Variants in ABCG5 observed in about 807,000 individuals in gnomAD.
ABCG5 encodes the protein ATP binding cassette subfamily G member 5.
In ABCG5, 64 loss-of-function variants were observed where a neutral mutation model predicts 64.5. The ratio of observed to expected loss-of-function variants is 0.99; its 90% CI spans 0.81 to 1.22. The LOEUF (loss-of-function observed/expected upper bound fraction) is 1.22. Ranked by LOEUF, ABCG5 falls within the 50% of genes most tolerant of loss-of-function variation. ABCG5 has a pLI of 0.00. For missense variants in ABCG5, 908 were observed against 829.5 expected, an observed-to-expected ratio of 1.09 and a Z score of -1.16; for synonymous variants, 385 against 326.3, an observed-to-expected ratio of 1.18 and a Z score of -1.94.
intron 2 of ABCG5, 112 bp from the exon 3 acceptor site, chr2:43,832,195 C>T: frequency 1.4e-6 from 2 of 1,438,826 alleles, no homozygotes; most frequent in African/African-American, 1.4e-5. Context: ...TGCTACATGA[C>T]GGACCCTGTT....
intron 12 of ABCG5, among the ~76,000 whole-genome samples, chr2:43,813,844 T>C (rs532231334): frequency 1.3e-5 from 2 of 150,978 alleles, no homozygotes; most frequent in Non-Finnish European, 3.0e-5. Flanking sequence ...CAGCCTCCTG[T>C]GTAGCTGGGA....
At chr2:43,815,093 T>C (rs949523198) in intron 11 of ABCG5, among the ~76,000 whole-genome samples, 11 of 152,160 alleles carry the variant, frequency 7.2e-5, no homozygotes, top group Non-Finnish European at 1.6e-4. Context: ...AGGAGGAGAT[T>C]TGTGATTAAA....
downstream of ABCG5, among the ~76,000 whole-genome samples, chr2:43,808,833 A>C (rs1666370489): frequency 6.6e-6 from 1 of 152,114 alleles, no homozygotes; most frequent in South Asian, 2.1e-4. Context: ...ATCAGTCCTT[A>C]CTGGGGGACA....
intron 5 of ABCG5, among the ~76,000 whole-genome samples, chr2:43,827,678 C>G (rs1553371581): frequency 6.6e-6 from 1 of 152,130 alleles, no homozygotes; most frequent in Non-Finnish European, 1.5e-5. Context: ...GTGGTATTGC[C>G]CTGGTGAGAA....
At position 43,813,120 on chromosome 2, in the gene ABCG5, C is replaced by G. The variant is rs759846565; in HGVS notation, c.1952G>C (p.Arg651Thr). The change falls in exon 13 of 13, where the codon AGG becomes ACG. Residue 651 changes from arginine to threonine, a missense_variant. Coordinates refer to ENST00000405322, the MANE Select transcript of ABCG5 (RefSeq NM_022436.3). Reference protein sequence around the residue: ...VFKIRDHLISR With the variant: ...VFKIRDHLIST ...TTTTCCCAGCCATGGCTTTCACTAC[C>G]TGCTAATGAGATGATCCCTTATTTT... 1 of 1,192,578 alleles carries G rather than the reference C, an allele frequency of 8.4e-7. No homozygotes were observed. Among genetic ancestry groups the G allele is most frequent in the Non-Finnish European group, 1.3e-6 (1 of 795,492 alleles). The allele number at this position is 1,192,578 out of a possible 1,614,324, so 73.9% of individuals were successfully genotyped here. A position where few individuals can be genotyped will look rare whatever the true frequency, so the allele number is the denominator to read the frequency against.
chr2:43,832,275 C>G, intron 2 of ABCG5, 192 bp from the exon 3 acceptor site: 1 of 707,038 alleles, frequency 1.4e-6, no homozygotes, highest in Admixed American at 2.5e-5. Flanking sequence ...GCAGCAGTCT[C>G]ACGCGCAAGT....
intron 2 of ABCG5, among the ~76,000 whole-genome samples, chr2:43,836,923 C>A (rs34520479): frequency 6.6e-6 from 1 of 151,488 alleles, no homozygotes; most frequent in Non-Finnish European, 1.5e-5. Flanking sequence ...CACCTGTAGT[C>A]CCAGCTGAGG....
At chr2:43,832,972 G>A (rs1323605931) in intron 2 of ABCG5, among the ~76,000 whole-genome samples, 1 of 151,958 alleles carries the variant, frequency 6.6e-6, no homozygotes, top group African/African-American at 2.4e-5. Flanking sequence ...ACTACACCCG[G>A]CTAATTTTCG....
chr2:43,822,453 C>T (rs964217785), intron 10 of ABCG5: 3 of 917,846 alleles, frequency 3.3e-6, no homozygotes, highest in African/African-American at 1.9e-5. Context: ...GTTTTACATT[C>T]AGGCTGCTTT....
chr2:43,817,250 C>A (rs1431075476), intron 11 of ABCG5, among the ~76,000 whole-genome samples: 1 of 152,076 alleles, frequency 6.6e-6, no homozygotes, highest in Non-Finnish European at 1.5e-5. Flanking sequence ...CTTGGGAGGC[C>A]GAGGCAGGGA....
chr2:43,822,204 A>T (rs1198304367), intron 10 of ABCG5, among the ~76,000 whole-genome samples: 1 of 151,820 alleles, frequency 6.6e-6, no homozygotes, highest in Non-Finnish European at 1.5e-5. Flanking sequence ...CCTGACTTGC[A>T]CCCCCATGAC....
Position 43,831,858 on chromosome 2 carries a change from G to C in ABCG5, c.412C>G (p.Leu138Val). Residue 138 changes from leucine (L) to valine (V), a missense_variant, in exon 4 of 13, where the codon CTG becomes GTG. Transcript: ENST00000405322. ...TCGCGCACGGTGAGGCTGCTCAGCAGGGTGTCGCTCTGCAGGAGACTCGGG... is the reference window on the plus strand; with the variant it reads ...TCGCGCACGGTGAGGCTGCTCAGCACGGTGTCGCTCTGCAGGAGACTCGGG... The part of the protein sequence containing the change: ...CFSYVLQSDT[L>V]LSSLTVRETL... 6.3e-7 allele frequency: 1 copy of C among 1,578,576 alleles called. No individual in the cohort carries two copies.
downstream of ABCG5, among the ~76,000 whole-genome samples, chr2:43,808,235 C>T (rs1341831313): frequency 6.7e-6 from 1 of 149,404 alleles, no homozygotes; most frequent in African/African-American, 2.5e-5. Context: ...CATGAAAATT[C>T]TTCCTAGAAT....
At chr2:43,835,400 T>G (rs1668201620) in intron 2 of ABCG5, among the ~76,000 whole-genome samples, 3 of 152,188 alleles carry the variant, frequency 2.0e-5, no homozygotes, top group African/African-American at 7.2e-5. Context: ...GGTGAAAATT[T>G]GTTAAAGGAG....
At chr2:43,810,360 A>G (rs549825034), downstream of ABCG5, 492 of 985,314 alleles carry the variant, frequency 5.0e-4, no homozygotes, top group Non-Finnish European at 5.5e-4. Flanking sequence ...TTTATTTTAA[A>G]TACCACTTTT....
chr2:43,814,289 G>A, intron 12 of ABCG5, among the ~76,000 whole-genome samples, 188 bp downstream of exon 12: 1 of 152,164 alleles, frequency 6.6e-6, no homozygotes, highest in Admixed American at 6.5e-5. Context: ...TTTGACAGGA[G>A]ACTAACTTGA....
chr2:43,831,729 G>A (rs1435955832), intron 4 of ABCG5, 40 bp downstream of exon 4: 1 of 1,531,314 alleles, frequency 6.5e-7, no homozygotes, highest in African/African-American at 1.4e-5. Context: ...GGGTGCAAAG[G>A]TACTCAGTTT....
rs76519976 is a variant in ABCG5, at chr2:43,824,148, T to C, written c.1119-30A>G. 1.3e-3 allele frequency: 2,170 copies of C among 1,614,180 alleles called. 32 individuals are homozygous for C. The African/African-American group carries it at 0.027, about 20-fold the overall frequency. On this transcript the variant is annotated intron_variant, in intron 8 of 12. Transcript: ENST00000405322. Reference sequence around the variant, plus strand: ...AAACAAACAACCCTGTTTTAATTCCTTTTCAGAATTGTTATTGGGGGATGG... The same window carrying C: ...AAACAAACAACCCTGTTTTAATTCCCTTTCAGAATTGTTATTGGGGGATGG...
downstream of ABCG5, among the ~76,000 whole-genome samples, chr2:43,810,977 T>A (rs937360572): frequency 2.6e-5 from 4 of 152,336 alleles, no homozygotes; most frequent in Non-Finnish European, 5.9e-5. Context: ...TGAAAGCCAT[T>A]GTGTTTTTCT....
Sources: gnomAD v4.1 joint callset for allele counts (sites outside exome capture counted in the v4.1 genomes callset) on GRCh38, gnomAD v4.1.1 for gene constraint, MANE v1.5 for transcripts, NCBI Gene and HGNC (gene_info 2026-07-23, HGNC 2026-07-21) for gene names.